Variants in SCMH1 observed in about 807,000 individuals in gnomAD.
SCMH1 encodes polycomb protein SCMH1.
Under a neutral mutation model 70.8 loss-of-function variants are expected in SCMH1, and 37 were observed. The observed-to-expected ratio is 0.52, with a 90% CI of 0.40 to 0.69. The LOEUF (loss-of-function observed/expected upper bound fraction) is 0.69, where lower values mean the gene tolerates loss of function less well. Ranked by LOEUF, SCMH1 falls within the 30% of genes least tolerant of loss-of-function variation. The pLI is 0.00. For missense variants in SCMH1, 607 were observed against 827.3 expected (o/e 0.73, Z 3.27); for synonymous variants, 292 against 307.4 (o/e 0.95, Z 0.52).
chr1:41,081,785 A>G (rs556614820), intron 8 of SCMH1, among the ~76,000 whole-genome samples: 8 of 151,152 alleles, frequency 5.3e-5, no homozygotes, highest in Admixed American at 2.0e-4. Context: ...GTGTCACTGC[A>G]CTCTAGTCTA....
In SCMH1 at chr1:41,096,813, C is replaced by T. The variant is rs191725102; in HGVS notation, c.745+16470G>A. 2.0e-5 allele frequency among the ~76,000 whole-genome samples: 3 copies of T among 152,232 alleles called. No homozygotes were observed. The East Asian group carries it at 5.8e-4, about 29-fold the overall frequency. On this transcript the variant is annotated intron_variant, in intron 8 of 14. Coordinates refer to ENST00000337495, the Ensembl canonical transcript of SCMH1. ...TCCCTACCTTTTTTCTCATTCTTCT[C>T]ATGCTAATAATTAGTATGAAACAAT...
In SCMH1 at chr1:41,089,787, C is replaced by CTCTTTTTTTTT. The variant is rs1240914488; in HGVS notation, c.746-14337_746-14336insAAAAAAAAAGA. 4.1e-3 allele frequency among the ~76,000 whole-genome samples: 238 copies of CTCTTTTTTTTT among 58,744 alleles called. 6 individuals carry two copies. The highest frequency in any genetic ancestry group is 5.0e-3 in the African/African-American group (68 of 13,582). The allele number at this position is 58,744 out of a possible 152,430, so 38.5% of individuals were successfully genotyped here. A position where few individuals can be genotyped will look rare whatever the true frequency, so the allele number is the denominator to read the frequency against. ...TTATTCCACTCTAACCATGTTGTCT[C>CTCTTTTTTTTT]TTTTTTTTTTTTTTTTTTTTTTGAG... On this transcript the variant is annotated intron_variant, in intron 8 of 14. Transcript: ENST00000337495.
At chr1:41,184,403 T>C (rs1649628589) in intron 2 of SCMH1, among the ~76,000 whole-genome samples, 2 of 152,190 alleles carry the variant, frequency 1.3e-5, no homozygotes, top group East Asian at 1.9e-4. Flanking sequence ...GGAGTAAATC[T>C]GACAATTAAA....
intron 10 of SCMH1, among the ~76,000 whole-genome samples, chr1:41,070,063 T>C (rs1411662288): frequency 6.6e-6 from 1 of 152,210 alleles, no homozygotes; most frequent in Non-Finnish European, 1.5e-5. Flanking sequence ...AGGCTGTGTA[T>C]CTGCGCACAG....
intron 13 of SCMH1, among the ~76,000 whole-genome samples, chr1:41,035,872 AT>A: frequency 6.6e-6 from 1 of 152,156 alleles, no homozygotes; most frequent in East Asian, 1.9e-4. Context: ...TTTCGCTAAG[AT>A]CCACCAATTA....
chr1:41,043,293 C>T (rs954955734), intron 12 of SCMH1: 3 of 152,068 alleles, frequency 2.0e-5, no homozygotes, highest in African/African-American at 7.3e-5. Context: ...AGGATTTCAC[C>T]ATGTTGGCCC....
chr1:41,156,402 T>G (rs911656898), intron 4 of SCMH1, among the ~76,000 whole-genome samples: 5 of 152,170 alleles, frequency 3.3e-5, no homozygotes, highest in Admixed American at 6.6e-5. Flanking sequence ...TAACAATATA[T>G]TTGTTAAACG....
chr1:41,114,027 G>T (rs1405321832), intron 7 of SCMH1, among the ~76,000 whole-genome samples: 1 of 151,940 alleles, frequency 6.6e-6, no homozygotes, highest in Non-Finnish European at 1.5e-5. Context: ...GTATTTCATT[G>T]TATATATATA....
chr1:41,095,325 T>TA (rs1267134875), intron 8 of SCMH1, among the ~76,000 whole-genome samples: 1 of 152,210 alleles, frequency 6.6e-6, no homozygotes, highest in African/African-American at 2.4e-5. Context: ...GGCTAACCTA[T>TA]ATTCCATGTA....
chr1:41,119,448 A>C (rs10157481), intron 6 of SCMH1, among the ~76,000 whole-genome samples: 4 of 80,332 alleles, frequency 5.0e-5, no homozygotes, highest in Admixed American at 1.9e-4. Context: ...CAAAAAAAAA[A>C]CAAAAAAAAA....
intron 10 of SCMH1, among the ~76,000 whole-genome samples, chr1:41,061,288 T>A (rs1020493930): frequency 2.0e-5 from 3 of 152,206 alleles, no homozygotes; most frequent in Non-Finnish European, 4.4e-5. Flanking sequence ...TGATTATTTT[T>A]AAAAATTTTT....
At chr1:41,214,824 G>A (rs1427775907) in intron 1 of SCMH1, among the ~76,000 whole-genome samples, 1 of 152,154 alleles carries the variant, frequency 6.6e-6, no homozygotes, top group Non-Finnish European at 1.5e-5. Flanking sequence ...TTTTTTGAGT[G>A]TTTGGGAAAT....
chr1:41,059,921 C>T (rs1265001305), intron 10 of SCMH1, among the ~76,000 whole-genome samples: 8 of 151,340 alleles, frequency 5.3e-5, no homozygotes, highest in East Asian at 1.9e-4. Context: ...AGGAATTTGG[C>T]GGGTCCAGAG....
At chr1:41,211,356 G>C (rs2148798607) in intron 1 of SCMH1, among the ~76,000 whole-genome samples, 1 of 152,272 alleles carries the variant, frequency 6.6e-6, no homozygotes, top group African/African-American at 2.4e-5. Flanking sequence ...AGTGGGCAAA[G>C]GATATGAATA....
intron 1 of SCMH1, among the ~76,000 whole-genome samples, chr1:41,190,875 AAGTT>A (rs376294511): frequency 2.8e-4 from 42 of 151,894 alleles, no homozygotes; most frequent in African/African-American, 9.4e-4. Context: ...GGTATCTTTT[AAGTT>A]AGTTAGTTTT....
chr1:41,053,688 G>A (rs1356396299), intron 10 of SCMH1, among the ~76,000 whole-genome samples: 1 of 152,198 alleles, frequency 6.6e-6, no homozygotes, highest in Middle Eastern at 3.2e-3. Flanking sequence ...TCTGATACCA[G>A]AAATAGGGTG....
intron 2 of SCMH1, among the ~76,000 whole-genome samples, chr1:41,173,875 A>G (rs2148527961): frequency 6.6e-6 from 1 of 152,242 alleles, no homozygotes; most frequent in South Asian, 2.1e-4. Flanking sequence ...AAGAAATACC[A>G]CATGTTTTTG....
At chr1:41,195,937 A>G (rs912181733) in intron 1 of SCMH1, among the ~76,000 whole-genome samples, 18 of 152,200 alleles carry the variant, frequency 1.2e-4, no homozygotes, top group African/African-American at 3.9e-4. Flanking sequence ...GTGTGCAAAG[A>G]AAATTAAGAA....
intron 1 of SCMH1, among the ~76,000 whole-genome samples, chr1:41,241,594 C>T (rs944347777): frequency 1.1e-4 from 16 of 152,156 alleles, no homozygotes; most frequent in Admixed American, 3.3e-4. Context: ...CCTCTGGCGC[C>T]GGAGGGGACC....
Sources: gnomAD v4.1 joint callset for allele counts (sites outside exome capture counted in the v4.1 genomes callset) on GRCh38, gnomAD v4.1.1 for gene constraint, MANE v1.5 for transcripts, NCBI Gene and HGNC (gene_info 2026-07-23, HGNC 2026-07-21) for gene names.